Variants in ANKMY1 observed in about 807,000 individuals in gnomAD.
ANKMY1 encodes the protein ankyrin repeat and MYND domain containing 1, also known as ankyrin repeat and MYND domain-containing protein 1.
ANKMY1 carries 98 observed loss-of-function variants against 102.0 expected under a neutral mutation model. The ratio of observed to expected loss-of-function variants is 0.96; its 90% confidence interval spans 0.82 to 1.14. The LOEUF is 1.14. Ranked by LOEUF, ANKMY1 falls within the 50% of genes most tolerant of loss-of-function variation. The pLI, the probability that ANKMY1 is intolerant of heterozygous loss-of-function variation, is 0.00. For synonymous variants in ANKMY1, 582 were observed against 559.9 expected, an observed-to-expected ratio of 1.04 and a Z score of -0.56; for missense variants, 1,330 against 1,347.6, an observed-to-expected ratio of 0.99 and a Z score of 0.20.
At chr2:240,560,965 G>T, upstream of ANKMY1, 1 of 1,514,028 alleles carries the variant, frequency 6.6e-7, no homozygotes, top group East Asian at 2.7e-5. Flanking sequence ...GCCGCGGTGC[G>T]CGCCGGCGGC....
rs190976428 is a variant in ANKMY1 at position 240,542,088 on chromosome 2, A to T, written c.480+10826T>A. Among the ~76,000 whole-genome samples, 14 of 152,068 alleles carry T rather than the reference A, an allele frequency of 9.2e-5. No individual in the cohort carries two copies. The East Asian group carries it at 2.7e-3, about 30-fold the overall frequency. On this transcript the variant is annotated intron_variant, in intron 4 of 17. Coordinates refer to ENST00000401804, the MANE Select transcript of ANKMY1 (RefSeq NM_001282771.3). ...CTGGGCGTAGTGGCGTTCGCCTGTA[A>T]TCCCAGCTACTCAGGAGGCTGAGGC...
At chr2:240,491,278 T>C (rs1317399116) in intron 15 of ANKMY1, among the ~76,000 whole-genome samples, 1 of 152,204 alleles carries the variant, frequency 6.6e-6, no homozygotes, top group Non-Finnish European at 1.5e-5. Flanking sequence ...TTTTTGATCA[T>C]GGATCATTTT....
At chr2:240,530,815 A>G (rs1186324880) in intron 4 of ANKMY1, among the ~76,000 whole-genome samples, 1 of 152,160 alleles carries the variant, frequency 6.6e-6, no homozygotes, top group East Asian at 1.9e-4. Flanking sequence ...TCAGAGGCTG[A>G]GTTGGAAGGC....
At chr2:240,545,764 T>C (rs2090220479) in intron 4 of ANKMY1, among the ~76,000 whole-genome samples, 2 of 151,972 alleles carry the variant, frequency 1.3e-5, no homozygotes, top group Admixed American at 1.3e-4. Context: ...GTATCAGCGA[T>C]GGAAGATGAA....
At chr2:240,549,451 T>C (rs921088122) in intron 4 of ANKMY1, among the ~76,000 whole-genome samples, 15 of 152,342 alleles carry the variant, frequency 9.8e-5, no homozygotes, top group Non-Finnish European at 1.6e-4. Context: ...GACATAGGCA[T>C]GGGCAACGAC....
chr2:240,497,243 C>G (rs1423050299), intron 15 of ANKMY1, among the ~76,000 whole-genome samples: 1 of 151,028 alleles, frequency 6.6e-6, no homozygotes, highest in Non-Finnish European at 1.5e-5. Flanking sequence ...CCACCTCCTC[C>G]CCATCTTGGA....
At chr2:240,476,324 C>G (rs1006262081), downstream of ANKMY1, among the ~76,000 whole-genome samples, 8 of 152,126 alleles carry the variant, frequency 5.3e-5, no homozygotes, top group Non-Finnish European at 1.0e-4. Flanking sequence ...TATCTTACAC[C>G]ATATACCCTT....
At chr2:240,503,582 A>C (rs2078579190) in intron 13 of ANKMY1, among the ~76,000 whole-genome samples, 1 of 152,216 alleles carries the variant, frequency 6.6e-6, no homozygotes, top group African/African-American at 2.4e-5. Context: ...TAGTGTGAGA[A>C]TATTCAGGAG....
chr2:240,509,570 T>C (rs368994854), intron 11 of ANKMY1, 115 bp from the exon 12 acceptor site: 9 of 722,850 alleles, frequency 1.2e-5, no homozygotes, highest in African/African-American at 8.9e-5. Context: ...GGCTACTTCC[T>C]GCCAACCATT....
At chr2:240,558,683 T>C (rs1478291874), upstream of ANKMY1, 1 of 152,206 alleles carries the variant, frequency 6.6e-6, no homozygotes, top group Non-Finnish European at 1.5e-5. Flanking sequence ...AGACTGCCTC[T>C]GAGAACAGGG....
the ANKMY1 span, among the ~76,000 whole-genome samples, chr2:240,472,536 A>G: frequency 6.6e-6 from 1 of 152,178 alleles, no homozygotes; most frequent in Non-Finnish European, 1.5e-5. Flanking sequence ...GCAGTGACTG[A>G]GTGCACCCTT....
rs1354307301 is a variant in ANKMY1 at position 240,513,613 on chromosome 2, C to A, written c.2005-671G>T. Among the ~76,000 whole-genome samples, 35 of 152,252 alleles carry A rather than the reference C, an allele frequency of 2.3e-4. 1 individual carries two copies. Among genetic ancestry groups the A allele is most frequent in the Admixed American group, 2.2e-3 (34 of 15,292 alleles). On this transcript the variant is annotated intron_variant, in intron 9 of 17. Coordinates refer to ENST00000401804, the MANE Select transcript of ANKMY1 (RefSeq NM_001282771.3). ...TGAGCCTGGATGGTGGGAAGAGCCA[C>A]CAGCATGAGGACCAGCCACAGGAAC...
chr2:240,521,490 G>T (rs1180820427), intron 8 of ANKMY1, among the ~76,000 whole-genome samples: 37 of 109,798 alleles, frequency 3.4e-4, no homozygotes, highest in African/African-American at 1.3e-3. Flanking sequence ...CGGTGTTACA[G>T]CTTTTTTTTT....
chr2:240,479,495 CA>C lies in ANKMY1; in HGVS notation c.*113del. 1 of 1,297,358 alleles carries C rather than the reference CA, an allele frequency of 7.7e-7. No individual in the cohort carries two copies. Among genetic ancestry groups the C allele is most frequent in the Non-Finnish European group, 1.1e-6 (1 of 911,714 alleles). 80.4% of individuals were successfully genotyped at this position (1,297,358 alleles called of 1,614,324 possible). On this transcript the variant is annotated 3_prime_UTR_variant, in exon 18 of 18. Coordinates refer to ENST00000401804, the MANE Select transcript of ANKMY1 (RefSeq NM_001282771.3). ...GAGACACTGCTACAAAGCATGACCC[CA>C]AAGGTGCAGAAATGCCTGCATTAGG...
chr2:240,473,478 C>CAAAAAAAAAAA, the ANKMY1 span, among the ~76,000 whole-genome samples: 5 of 135,064 alleles, frequency 3.7e-5, no homozygotes, highest in African/African-American at 5.6e-5. Flanking sequence ...ACCAATTAAC[C>CAAAAAAAAAAA]AAAAAAAAAA....
rs375852868 is a variant in ANKMY1 at position 240,526,187 on chromosome 2, C to G, written c.1170+42G>C. ...CCACCCACATGTGTGACCCTCACAG[C>G]TAAGCTCCTGCGGGCACCAGCTGGG... is the stretch of plus-strand genomic sequence containing the variant. On this transcript the variant is annotated intron_variant, in intron 6 of 17. Coordinates refer to ENST00000401804, the MANE Select transcript of ANKMY1 (RefSeq NM_001282771.3). The G allele has an allele frequency of 3.7e-6, 6 of 1,611,868 alleles. No individual in the cohort carries two copies. The African/African-American group carries it at 8.0e-5, about 22-fold the overall frequency.
Position 240,529,488 on chromosome 2 carries a change from G to A in ANKMY1, c.502C>T (p.Arg168Trp), listed in dbSNP as rs777542459. ...LFQGLYKADQ[R>W]FGPGVETYPD... ...TAGGTCTCGACACCTGGCCCAAACC[G>A]CTGGTCCGCTTTGTATAGCCCCTGC... The change falls in exon 5 of 18, where the codon CGG (arginine) becomes TGG (tryptophan). Residue 168 changes from arginine to tryptophan, a missense_variant. By Grantham distance (101) the Arg-to-Trp change is moderately radical. Transcript: ENST00000401804. This position sits in a 1 kb window ranked among gnomAD's most constrained non-coding sequence, Gnocchi z 4.2. 3.0e-5 allele frequency: 49 copies of A among 1,613,128 alleles called. No homozygotes were observed. The highest frequency in any genetic ancestry group is 3.2e-5 in the Non-Finnish European group (38 of 1,179,748).
chr2:240,519,280 G>C (rs1296112636), intron 9 of ANKMY1, among the ~76,000 whole-genome samples: 1 of 152,156 alleles, frequency 6.6e-6, no homozygotes, highest in Non-Finnish European at 1.5e-5. Context: ...TGATGGGGTT[G>C]GTCTAGATGT....
rs539905964 is a variant in ANKMY1, at chr2:240,497,569, G to A, written c.2806+2389C>T. ...TGTGCTCTTTAGATCAGTCCTTGGGGTGTGTGAGACTTGTTATGACCACAG... is the reference window on the plus strand; with the variant it reads ...TGTGCTCTTTAGATCAGTCCTTGGGATGTGTGAGACTTGTTATGACCACAG... On this transcript the variant is annotated intron_variant, in intron 15 of 17. Coordinates refer to ENST00000401804, the MANE Select transcript of ANKMY1 (RefSeq NM_001282771.3). Among the ~76,000 whole-genome samples, 3 of 152,288 alleles carry A rather than the reference G, an allele frequency of 2.0e-5. No individual in the cohort carries two copies. In the East Asian group the frequency reaches 5.8e-4, roughly 29 times the overall value.
Sources: allele counts gnomAD v4.1 joint callset (sites outside exome capture counted in the v4.1 genomes callset), GRCh38; gene constraint gnomAD v4.1.1; non-coding constraint Gnocchi (gnomAD v3.1); transcripts MANE v1.5; gene names NCBI Gene and HGNC (gene_info 2026-07-23, HGNC 2026-07-21).